NF1: variants seen among roughly 807,000 people sequenced by gnomAD.
The protein encoded by NF1 is neurofibromin 1.
Under a neutral mutation model 325.7 loss-of-function variants are expected in NF1, and 122 were observed. The observed-to-expected ratio is 0.37, with a 90% CI of 0.32 to 0.44. The LOEUF (loss-of-function observed/expected upper bound fraction) is 0.44, where lower values mean the gene tolerates loss of function less well. Among genes scored for constraint, NF1 ranks in the 20% least tolerant of loss-of-function variants. NF1 has a pLI of 1.00. For missense variants in NF1, 2,140 were observed against 3,415.4 expected (o/e 0.63, Z 9.31); for synonymous variants, 1,091 against 1,186.0 (o/e 0.92, Z 1.65).
At chr17:31,356,832 A>G (rs1597866164) in intron 52 of NF1, 128 bp from the exon 53 acceptor site, 11 of 1,380,566 alleles carry the variant, frequency 8.0e-6, no homozygotes, top group East Asian at 4.6e-5. Flanking sequence ...GTAATTCTCT[A>G]TGATGTTTAT....
At chr17:31,098,989 A>C (rs930359344) in intron 1 of NF1, among the ~76,000 whole-genome samples, 94 of 150,888 alleles carry the variant, frequency 6.2e-4, no homozygotes, top group Non-Finnish European at 2.4e-4. Context: ...AAAACTTTTG[A>C]ATTTTGGATT....
At position 31,229,281 on chromosome 17, in the gene NF1, C is replaced by G. The variant is rs369912079; in HGVS notation, c.2666C>G (p.Thr889Arg). ...ATGTCTTCAGAGGGAAACGCAGATA[C>G]ACCTGTCAGCAAATTTATGGATCGG... The part of the protein sequence containing the change: ...SVMSSEGNAD[T>R]PVSKFMDRLL... The change falls in exon 21 of 58, where the codon ACA becomes AGA. Residue 889 changes from threonine (T) to arginine (R), a missense_variant. This residue lies in a region of NF1 where 380 missense variants were observed against 639.3 expected (regional missense o/e 0.59). Coordinates refer to ENST00000358273, the MANE Select transcript of NF1 (RefSeq NM_001042492.3). 4 of 1,613,658 alleles carry G rather than the reference C, an allele frequency of 2.5e-6. No homozygotes were observed. The highest frequency in any genetic ancestry group is 3.4e-6 in the Non-Finnish European group (4 of 1,179,840).
chr17:31,323,702 C>T (rs1295573691), intron 36 of NF1, among the ~76,000 whole-genome samples: 1 of 152,152 alleles, frequency 6.6e-6, no homozygotes, highest in African/African-American at 2.4e-5. Flanking sequence ...ATCTAGTTAC[C>T]TGTTTCTTTT....
At chr17:31,327,370 A>G (rs898567192) in intron 37 of NF1, 129 bp from the exon 38 acceptor site, 2 of 705,380 alleles carry the variant, frequency 2.8e-6, no homozygotes, top group Admixed American at 2.1e-5. Context: ...ATTTGAATAT[A>G]CAATGGTGGG....
At chr17:31,187,375 T>A (rs2066260301) in intron 8 of NF1, among the ~76,000 whole-genome samples, 1 of 152,116 alleles carries the variant, frequency 6.6e-6, no homozygotes, top group Non-Finnish European at 1.5e-5. Flanking sequence ...ATTTTTGTAT[T>A]TTTAGTAGTG....
chr17:31,340,670 C>T (rs774689609), intron 47 of NF1, 25 bp downstream of exon 47: 3 of 1,611,500 alleles, frequency 1.9e-6, no homozygotes, highest in Non-Finnish European at 2.5e-6. Context: ...CCTTGAGGTT[C>T]CTAGATTACT....
At chr17:31,139,581 G>T (rs1408584635) in intron 1 of NF1, among the ~76,000 whole-genome samples, 1 of 152,200 alleles carries the variant, frequency 6.6e-6, no homozygotes, top group East Asian at 1.9e-4. Context: ...AAGCTCATGT[G>T]CATGGGCTAG....
chr17:31,232,029 T>C (rs2067119789), intron 24 of NF1, 44 bp from the exon 25 acceptor site: 1 of 1,202,838 alleles, frequency 8.3e-7, no homozygotes, highest in African/African-American at 1.6e-5. Context: ...ACTTGAAAGA[T>C]TCATGGTCTC....
chr17:31,186,461 C>T (rs567607238), intron 8 of NF1, among the ~76,000 whole-genome samples: 26 of 152,184 alleles, frequency 1.7e-4, no homozygotes, highest in Non-Finnish European at 3.2e-4. Context: ...GTGTACTTTG[C>T]GTGGAAGGAG....
intron 30 of NF1, chr17:31,249,840 T>C (rs1407166500): frequency 4.9e-6 from 2 of 408,806 alleles, no homozygotes; most frequent in Non-Finnish European, 9.8e-6. Context: ...TATTAGCCTT[T>C]TGGAAACTGT....
intron 4 of NF1, among the ~76,000 whole-genome samples, chr17:31,166,742 G>A (rs2065853245): frequency 6.6e-6 from 1 of 151,954 alleles, no homozygotes; most frequent in Non-Finnish European, 1.5e-5. Context: ...TCTAGTTCAT[G>A]TTTTATGCAG....
At chr17:31,181,685 A>G in intron 6 of NF1, 25 bp from the exon 7 acceptor site, 1 of 1,547,260 alleles carries the variant, frequency 6.5e-7, no homozygotes, top group Non-Finnish European at 8.9e-7. Context: ...AATCACTGTA[A>G]AGACATGTGG....
At chr17:31,297,989 A>G (rs771359778) in intron 36 of NF1, among the ~76,000 whole-genome samples, 2 of 152,058 alleles carry the variant, frequency 1.3e-5, no homozygotes, top group Non-Finnish European at 2.9e-5. Flanking sequence ...ATATATTTGG[A>G]GTTAAAGTTT....
At chr17:31,118,987 T>C (rs1410803457) in intron 1 of NF1, among the ~76,000 whole-genome samples, 1 of 150,868 alleles carries the variant, frequency 6.6e-6, no homozygotes, top group Non-Finnish European at 1.5e-5. Context: ...CAGGCTGGAG[T>C]GTGGAGTGTG....
chr17:31,226,096 C>T (rs1301633049), intron 17 of NF1, among the ~76,000 whole-genome samples: 2 of 151,982 alleles, frequency 1.3e-5, no homozygotes, highest in Admixed American at 6.6e-5. Context: ...TATATTGTTA[C>T]TGCAGTAGAT....
intron 48 of NF1, among the ~76,000 whole-genome samples, chr17:31,347,429 G>A (rs200628677): frequency 0.06 from 9,151 of 151,760 alleles, 467 homozygotes; most frequent in African/African-American, 0.17. Flanking sequence ...CCTATGGGGT[G>A]GCCATAAAGT....
chr17:31,354,413 A>C (rs1424959086), intron 51 of NF1, among the ~76,000 whole-genome samples: 1 of 152,194 alleles, frequency 6.6e-6, no homozygotes, highest in Non-Finnish European at 1.5e-5. Flanking sequence ...ACATCATGGC[A>C]TCATGGGGAA....
At chr17:31,096,371 A>C (rs1286636787) in intron 1 of NF1, among the ~76,000 whole-genome samples, 1 of 152,134 alleles carries the variant, frequency 6.6e-6, no homozygotes, top group African/African-American at 2.4e-5. Flanking sequence ...TTTGGGATGA[A>C]AAAAAAGTTT....
chr17:31,345,129 C>T (rs557450824), intron 48 of NF1, among the ~76,000 whole-genome samples: 3 of 151,918 alleles, frequency 2.0e-5, no homozygotes, highest in African/African-American at 7.3e-5. Context: ...TCTTAAAAGA[C>T]AAGAAAAGAA....
Sources: gnomAD v4.1 joint callset for allele counts (sites outside exome capture counted in the v4.1 genomes callset) on GRCh38, gnomAD v4.1.1 for gene constraint, gnomAD v4.1.1 regional missense constraint, MANE v1.5 for transcripts, NCBI Gene and HGNC (gene_info 2026-07-23, HGNC 2026-07-21) for gene names.